ITGA8: variants seen among roughly 807,000 people sequenced by gnomAD.
ITGA8 encodes the protein integrin alpha-8.
A neutral mutation model predicts 142.3 loss-of-function variants in ITGA8; 91 were observed. The observed-to-expected ratio is 0.64, with a 90% CI of 0.54 to 0.76. The LOEUF (loss-of-function observed/expected upper bound fraction) is 0.76. Among genes scored for constraint, ITGA8 ranks in the 30% least tolerant of loss-of-function variants. The probability of loss-of-function intolerance (pLI) is 0.00; values close to 1 mark genes in which losing one functional copy is unlikely to be tolerated. For synonymous variants in ITGA8, 505 were observed against 485.2 expected (o/e 1.04, Z -0.54); for missense variants, 1,406 against 1,327.7 (o/e 1.06, Z -0.92).
chr10:15,586,497 C>T, intron 23 of ITGA8, 87 bp downstream of exon 23: 1 of 753,850 alleles, frequency 1.3e-6, no homozygotes, highest in Admixed American at 2.1e-5. Flanking sequence ...TCTAATGCAT[C>T]AGGAAAATTC....
chr10:15,604,333 C>T lies in ITGA8; in HGVS notation c.1993G>A (p.Gly665Arg). 1 of 1,611,214 alleles carries T rather than the reference C, an allele frequency of 6.2e-7. No homozygotes were observed. Among genetic ancestry groups the T allele is most frequent in the Middle Eastern group, 1.7e-4 (1 of 6,040 alleles). The stretch of plus-strand genomic sequence containing the variant: ...ATGAGCATAAGGTGATTTTCATCTC[C>T]AATGATTACCTGATGCTTATCTCTA... ...ARPDKHQVIIGDENHLMLIIN... is the reference protein window; with the variant it reads ...ARPDKHQVIIRDENHLMLIIN... The change falls in exon 20 of 30, where the codon GGA becomes AGA. Residue 665 changes from glycine (G) to arginine (R), a missense_variant. By Grantham distance (125) the Gly-to-Arg change is moderately radical. Coordinates refer to ENST00000378076, the MANE Select transcript of ITGA8 (RefSeq NM_003638.3).
chr10:15,631,925 AAGTT>A (rs1833692875), intron 13 of ITGA8, among the ~76,000 whole-genome samples: 1 of 152,060 alleles, frequency 6.6e-6, no homozygotes, highest in South Asian at 2.1e-4. Context: ...ATTTGGAAGG[AAGTT>A]AGTTCAAACT....
In ITGA8 at chr10:15,600,210, A is replaced by G. The variant is rs942178236; in HGVS notation, c.2119-2911T>C. On this transcript the variant is annotated intron_variant, in intron 20 of 29. Coordinates refer to ENST00000378076, the MANE Select transcript of ITGA8 (RefSeq NM_003638.3). Reference sequence around the variant, plus strand: ...TGCGCCATGTTGGTGTGCTGCACCCATTAACTCATCATTTACATTAGGTAT... The same window carrying G: ...TGCGCCATGTTGGTGTGCTGCACCCGTTAACTCATCATTTACATTAGGTAT... Among the ~76,000 whole-genome samples the G allele has an allele frequency of 2.6e-5, 4 of 152,186 alleles. No individual in the cohort carries two copies. The East Asian group carries it at 7.7e-4, about 29-fold the overall frequency.
At chr10:15,669,546 G>A (rs190338908) in intron 8 of ITGA8, among the ~76,000 whole-genome samples, 1 of 152,178 alleles carries the variant, frequency 6.6e-6, no homozygotes, top group Non-Finnish European at 1.5e-5. Context: ...ATCCAGCTTT[G>A]TTCCATTGCT....
intron 2 of ITGA8, among the ~76,000 whole-genome samples, chr10:15,691,477 T>A (rs1404780170): frequency 6.6e-6 from 1 of 152,168 alleles, no homozygotes; most frequent in Non-Finnish European, 1.5e-5. Flanking sequence ...GAAAATGTGG[T>A]GTGTATATGA....
intron 24 of ITGA8, among the ~76,000 whole-genome samples, chr10:15,575,218 G>A (rs1464729920): frequency 6.6e-6 from 1 of 151,888 alleles, no homozygotes; most frequent in Non-Finnish European, 1.5e-5. Flanking sequence ...GCAAAACCCC[G>A]TCTCTAGAAA....
At chr10:15,574,687 G>C (rs907587292) in intron 24 of ITGA8, among the ~76,000 whole-genome samples, 4 of 149,134 alleles carry the variant, frequency 2.7e-5, no homozygotes, top group Non-Finnish European at 4.4e-5. Flanking sequence ...CCACACCCGG[G>C]CGCTTTTATA....
chr10:15,688,048 A>C lies in ITGA8; in HGVS notation c.344-10T>G, dbSNP rs772986933. The C allele has an allele frequency of 1.3e-6, 2 of 1,554,790 alleles. No individual in the cohort carries two copies. The highest frequency in any genetic ancestry group is 1.4e-5 in the African/African-American group (1 of 73,778). ...CTGATCTTTCTGTTGTCTGTCAAAG[A>C]AGATAGGAAGAGTTAATAATTTGTA... On this transcript the variant is annotated splice_polypyrimidine_tract_variant and intron_variant, in intron 2 of 29. Transcript: ENST00000378076.
At chr10:15,673,936 C>T (rs971545770) in intron 6 of ITGA8, among the ~76,000 whole-genome samples, 4 of 148,708 alleles carry the variant, frequency 2.7e-5, no homozygotes, top group Non-Finnish European at 5.9e-5. Flanking sequence ...CCCATGTTTA[C>T]CATGGACATC....
chr10:15,694,221 T>C (rs1178189227), intron 2 of ITGA8, among the ~76,000 whole-genome samples: 1 of 140,260 alleles, frequency 7.1e-6, no homozygotes, highest in South Asian at 2.1e-4. Context: ...TGATAACATA[T>C]CATATATATG....
intron 20 of ITGA8, among the ~76,000 whole-genome samples, chr10:15,602,954 T>A (rs761780852): frequency 4.5e-4 from 68 of 150,306 alleles, no homozygotes; most frequent in Non-Finnish European, 9.1e-4. Context: ...ACTATTTTTT[T>A]AAAAACTACT....
intron 21 of ITGA8, among the ~76,000 whole-genome samples, chr10:15,594,712 G>A (rs1051920594): frequency 6.6e-6 from 1 of 152,104 alleles, no homozygotes; most frequent in Non-Finnish European, 1.5e-5. Context: ...AACCTGGGAG[G>A]TGGAGGTTGC....
chr10:15,635,730 C>T lies in ITGA8; in HGVS notation c.1399+8300G>A, dbSNP rs182958926. Among the ~76,000 whole-genome samples, 126 of 152,224 alleles carry T rather than the reference C, an allele frequency of 8.3e-4. 1 individual carries two copies. The East Asian group carries it at 0.021, about 26-fold the overall frequency. Reference sequence around the variant, plus strand: ...TAGTCAATAAAAACATAATGCTTGGCTTTTCACACAAAACTTGAGTAGCAG... The same window carrying T: ...TAGTCAATAAAAACATAATGCTTGGTTTTTCACACAAAACTTGAGTAGCAG... On this transcript the variant is annotated intron_variant, in intron 13 of 29. Coordinates refer to ENST00000378076, the MANE Select transcript of ITGA8 (RefSeq NM_003638.3).
chr10:15,596,075 G>T (rs1243951673), intron 21 of ITGA8, among the ~76,000 whole-genome samples: 1 of 152,032 alleles, frequency 6.6e-6, no homozygotes, highest in Non-Finnish European at 1.5e-5. Context: ...ATAGGCGGTT[G>T]GATTTTTCTC....
chr10:15,572,241 T>C lies in ITGA8; in HGVS notation c.2607A>G (p.Pro869=). 3 of 1,613,972 alleles carry C rather than the reference T, an allele frequency of 1.9e-6. No individual in the cohort carries two copies. Among genetic ancestry groups the C allele is most frequent in the Non-Finnish European group, 2.5e-6 (3 of 1,179,880 alleles). ...TATCCTGTGGATTGATATTAGGATT[T>C]GGTTGGCACTGCAGAGGTCCCAGAG... ...IQTLGPLQCQ[P]NPNINPQDIK... The change falls in exon 25 of 30, where the codon CCA becomes CCG. Residue 869 remains proline, a synonymous_variant. Transcript: ENST00000378076.
intron 3 of ITGA8, among the ~76,000 whole-genome samples, chr10:15,687,486 G>A (rs1332235621): frequency 3.9e-5 from 6 of 152,112 alleles, no homozygotes; most frequent in South Asian, 2.1e-4. Flanking sequence ...TGAACTCAGA[G>A]AATCATGCAG....
intron 28 of ITGA8, among the ~76,000 whole-genome samples, chr10:15,524,716 A>G (rs906621675): frequency 6.6e-6 from 1 of 152,220 alleles, no homozygotes; most frequent in Admixed American, 6.5e-5. Context: ...GACTTAACTG[A>G]TCACTTTTAC....
At chr10:15,566,015 A>G (rs986281411) in intron 25 of ITGA8, among the ~76,000 whole-genome samples, 2 of 152,186 alleles carry the variant, frequency 1.3e-5, no homozygotes, top group Non-Finnish European at 2.9e-5. Flanking sequence ...AAGGAAAACC[A>G]GTACACGAAG....
chr10:15,629,255 A>G (rs547286882), intron 13 of ITGA8, among the ~76,000 whole-genome samples: 1 of 152,156 alleles, frequency 6.6e-6, no homozygotes, highest in East Asian at 1.9e-4. Context: ...ATGAAAAGTT[A>G]CATGCCTCCC....
Sources: gnomAD v4.1 joint callset for allele counts (sites outside exome capture counted in the v4.1 genomes callset) on GRCh38, gnomAD v4.1.1 for gene constraint, MANE v1.5 for transcripts, NCBI Gene and HGNC (gene_info 2026-07-23, HGNC 2026-07-21) for gene names.